TIMELESS: variants seen among roughly 807,000 people sequenced by gnomAD.
TIMELESS encodes protein timeless homolog.
A neutral mutation model predicts 164.3 loss-of-function variants in TIMELESS; 124 were observed. The ratio of observed to expected loss-of-function variants is 0.75; its 90% CI spans 0.65 to 0.88. The LOEUF is 0.88. Ranked by LOEUF, TIMELESS falls within the 40% of genes least tolerant of loss-of-function variation. The pLI is 0.00. For synonymous variants in TIMELESS, 564 were observed against 563.4 expected (o/e 1.00, Z -0.02); for missense variants, 1,422 against 1,491.4 (o/e 0.95, Z 0.77).
At position 56,420,872 on chromosome 12, in the gene TIMELESS, A is replaced by G. The variant is rs61376834; in HGVS notation, c.3050T>C (p.Ile1017Thr). The change falls in exon 25 of 29, where the codon ATC becomes ACC. Residue 1017 changes from isoleucine to threonine, a missense_variant. By Grantham distance (89) the Ile-to-Thr change is moderately conservative (BLOSUM62 -1). Coordinates refer to ENST00000553532, the MANE Select transcript of TIMELESS (RefSeq NM_003920.5). ...GQSLHQEGFS[I>T]PLLWLQNCLI... ...GCAGTTCTGGAGCCATAGGAGCGGGATAGAAAAGCCTAAGGAAATGAGGGA... is the reference window on the plus strand; with the variant it reads ...GCAGTTCTGGAGCCATAGGAGCGGGGTAGAAAAGCCTAAGGAAATGAGGGA... 74,273 of 1,614,112 alleles carry G rather than the reference A, an allele frequency of 0.046. 1,985 individuals are homozygous for G. Among genetic ancestry groups the G allele is most frequent in the Non-Finnish European group, 0.053 (62,559 of 1,180,004 alleles).
chr12:56,426,103 G>A (rs754479465), intron 13 of TIMELESS, among the ~76,000 whole-genome samples: 3 of 152,122 alleles, frequency 2.0e-5, no homozygotes, highest in Non-Finnish European at 4.4e-5. Context: ...CTGGATTTGA[G>A]TATTGAATTA....
At position 56,430,942 on chromosome 12, in the gene TIMELESS, A is replaced by G. The variant is rs751701502; in HGVS notation, c.848T>C (p.Ile283Thr). Residue 283 changes from isoleucine to threonine, a missense_variant, in exon 9 of 29, where the codon ATT (isoleucine) becomes ACT (threonine). Physicochemically the swap from Ile to Thr is moderately conservative, Grantham distance 89. Transcript: ENST00000553532. ...CCCAATGGATTTCAACCCCTGGACA[A>G]TATAGGAGCCCCCAAATCGAGAATG... ...NRHSRFGGSY[I>T]VQGLKSIGER... 3.1e-6 allele frequency: 5 copies of G among 1,592,486 alleles called. No homozygotes were observed. In the South Asian group the frequency reaches 5.7e-5, roughly 18 times the overall value.
chr12:56,425,834 CA>C (rs1252381394), intron 13 of TIMELESS, among the ~76,000 whole-genome samples: 2 of 151,804 alleles, frequency 1.3e-5, no homozygotes, highest in Admixed American at 6.6e-5. Flanking sequence ...GAGATTCAGC[CA>C]CTGCACTCCA....
rs1881925834 is a variant in TIMELESS at position 56,432,531 on chromosome 12, A to G, written c.532-7T>C. On this transcript the variant is annotated splice_region_variant and splice_polypyrimidine_tract_variant and intron_variant, in intron 6 of 28. Coordinates refer to ENST00000553532, the MANE Select transcript of TIMELESS (RefSeq NM_003920.5). Reference sequence around the variant, plus strand: ...TGGCGTCATCATCAATCTTCTGAGCAGTGAGTGGTGAGGGTAGAAAGGAAG... The same window carrying G: ...TGGCGTCATCATCAATCTTCTGAGCGGTGAGTGGTGAGGGTAGAAAGGAAG... The G allele has an allele frequency of 1.2e-6, 2 of 1,612,660 alleles. No homozygotes were observed. The highest frequency in any genetic ancestry group is 2.2e-5 in the East Asian group (1 of 44,850).
chr12:56,421,426 G>A lies in TIMELESS; in HGVS notation c.2793C>T (p.Leu931=). 1 of 1,614,112 alleles carries A rather than the reference G, an allele frequency of 6.2e-7. No homozygotes were observed. The highest frequency in any genetic ancestry group is 8.5e-7 in the Non-Finnish European group (1 of 1,180,038). The change falls in exon 23 of 29, where the codon CTC becomes CTT. Residue 931 remains leucine (L), a synonymous_variant. Coordinates refer to ENST00000553532, the MANE Select transcript of TIMELESS (RefSeq NM_003920.5). ...GCTCAGCCACCAGCCCCAGAGCCAA[G>A]AGTTTATCCACTATTCGGGCCCGTG... ...KRSRARIVDK[L]LALGLVAERR...
At position 56,417,409 on chromosome 12, in the gene TIMELESS, A is replaced by G. The variant is rs1485157432; in HGVS notation, c.*307T>C. The G allele has an allele frequency of 1.3e-5, 4 of 311,346 alleles. No individual in the cohort carries two copies. The highest frequency in any genetic ancestry group is 8.5e-5 in the African/African-American group (4 of 47,272). The allele number at this position is 311,346 out of a possible 1,614,324, so 19.3% of individuals were successfully genotyped here. A position where few individuals can be genotyped will look rare whatever the true frequency, so the allele number is the denominator to read the frequency against. On this transcript the variant is annotated 3_prime_UTR_variant, in exon 29 of 29. Transcript: ENST00000553532. ...AAAAGGGGTCCGGGGTGCTTTCTCT[A>G]TTTCACTCACTCCTCTTATTTGCTA...
chr12:56,420,868 C>G lies in TIMELESS; in HGVS notation c.3054G>C (p.Pro1018=), dbSNP rs143413940. The change falls in exon 25 of 29, where the codon CCG becomes CCC. Residue 1018 remains proline (P), a synonymous_variant. Coordinates refer to ENST00000553532, the MANE Select transcript of TIMELESS (RefSeq NM_003920.5). ...TCAGGCAGTTCTGGAGCCATAGGAG[C>G]GGGATAGAAAAGCCTAAGGAAATGA... is the stretch of plus-strand genomic sequence containing the variant. The part of the protein sequence containing the change: ...QSLHQEGFSI[P]LLWLQNCLIR... The G allele has an allele frequency of 1.2e-6, 2 of 1,614,144 alleles. No homozygotes were observed. Among genetic ancestry groups the G allele is most frequent in the East Asian group, 2.2e-5 (1 of 44,874 alleles).
intron 11 of TIMELESS, 91 bp from the exon 12 acceptor site, chr12:56,428,743 T>G: frequency 6.9e-7 from 1 of 1,439,082 alleles, no homozygotes; most frequent in Non-Finnish European, 9.6e-7. Flanking sequence ...AAAAAAAATG[T>G]GCCACCCAAA....
rs201719982 is a variant in TIMELESS at position 56,424,793 on chromosome 12, G to C, written c.1837C>G (p.Pro613Ala). The change falls in exon 15 of 29, where the codon CCA becomes GCA. Residue 613 changes from proline (P) to alanine (A), a missense_variant. Physicochemically the swap from Pro to Ala is conservative, Grantham distance 27. Transcript: ENST00000553532. ...GACCTCAGGAGAGTCAGGGCCTGTG[G>C]GGCCTGGCCAGCCAGGAGACAGTCT... ...IQDCLLAGQA[P>A]QALTLLRSAR... The C allele has an allele frequency of 4.2e-5, 67 of 1,614,186 alleles. No individual in the cohort carries two copies. In the African/African-American group the frequency reaches 8.9e-4, roughly 22 times the overall value.
chr12:56,427,783 C>T (rs550333173), intron 13 of TIMELESS, among the ~76,000 whole-genome samples: 23 of 152,224 alleles, frequency 1.5e-4, no homozygotes, highest in African/African-American at 5.3e-4. Context: ...ACCATGTTGG[C>T]CAGGCTGGTC....
At chr12:56,420,741 C>G (rs963510825) in intron 25 of TIMELESS, 54 bp from the exon 26 acceptor site, 12 of 1,612,942 alleles carry the variant, frequency 7.4e-6, no homozygotes, top group Non-Finnish European at 1.0e-5. Flanking sequence ...AACTGGTTCT[C>G]CATCCCATGA....
intron 9 of TIMELESS, 116 bp from the exon 10 acceptor site, chr12:56,430,397 G>T: frequency 1.6e-6 from 2 of 1,232,744 alleles, no homozygotes; most frequent in Non-Finnish European, 2.2e-6. Context: ...ACAAGAACTT[G>T]CTCTGTCACC....
intron 1 of TIMELESS, among the ~76,000 whole-genome samples, chr12:56,447,029 G>T (rs1191972785): frequency 3.4e-5 from 5 of 146,778 alleles, no homozygotes; most frequent in African/African-American, 1.0e-4. Flanking sequence ...TTTTTTTTTG[G>T]AGACGAGTCT....
At chr12:56,420,048 A>ATATATATATATGTG (rs1473074484) in intron 26 of TIMELESS, among the ~76,000 whole-genome samples, 10 of 87,336 alleles carry the variant, frequency 1.1e-4, no homozygotes, top group South Asian at 8.3e-4. Flanking sequence ...ATATATATAT[A>ATATATATATATGTG]TGTGTGTGTG....
intron 11 of TIMELESS, 74 bp from the exon 12 acceptor site, chr12:56,428,726 A>G: frequency 6.8e-7 from 1 of 1,480,732 alleles, no homozygotes; most frequent in South Asian, 1.2e-5. Flanking sequence ...AACTTCCCAC[A>G]GCGAAAAAAA....
In TIMELESS at chr12:56,417,985, G is replaced by A; in HGVS notation, c.3478C>T (p.Pro1160Ser). 1 of 1,614,198 alleles carries A rather than the reference G, an allele frequency of 6.2e-7. No individual in the cohort carries two copies. The highest frequency in any genetic ancestry group is 1.1e-5 in the South Asian group (1 of 91,086). The change falls in exon 28 of 29, where the codon CCG becomes TCG. Residue 1160 changes from proline to serine, a missense_variant. Transcript: ENST00000553532. The part of the protein sequence containing the change: ...PEEEDAVGKE[P>S]LKAAPKKRQL... ...CGTTTCTTGGGTGCTGCCTTCAGCG[G>A]CTCTTTACCAACAGCGTCTTCCTCT...
chr12:56,434,052 G>T (rs753208428), intron 2 of TIMELESS, 22 bp downstream of exon 2: 2 of 1,612,622 alleles, frequency 1.2e-6, no homozygotes, highest in Non-Finnish European at 1.7e-6. Context: ...TTTTTTTCCT[G>T]TTTCATCAAA....
In TIMELESS at chr12:56,425,003, G is replaced by A. The variant is rs1433005855; in HGVS notation, c.1716+12C>T. 5 of 1,614,004 alleles carry A rather than the reference G, an allele frequency of 3.1e-6. No individual in the cohort carries two copies. The highest frequency in any genetic ancestry group is 4.2e-6 in the Non-Finnish European group (5 of 1,180,012). On this transcript the variant is annotated intron_variant, in intron 14 of 28. Coordinates refer to ENST00000553532, the MANE Select transcript of TIMELESS (RefSeq NM_003920.5). ...TATTCTCAAAAAAGACAGGGTTTCT[G>A]TAACCACCTACCTGGGCACAGCACT... is the stretch of plus-strand genomic sequence containing the variant.
At chr12:56,436,010 C>A (rs1486366623) in intron 1 of TIMELESS, among the ~76,000 whole-genome samples, 1 of 148,478 alleles carries the variant, frequency 6.7e-6, no homozygotes, top group African/African-American at 2.5e-5. Context: ...AAAAAGTATA[C>A]AGTATATGAT....
Sources: allele counts gnomAD v4.1 joint callset (sites outside exome capture counted in the v4.1 genomes callset), GRCh38; gene constraint gnomAD v4.1.1; transcripts MANE v1.5; gene names NCBI Gene and HGNC (gene_info 2026-07-23, HGNC 2026-07-21).